The following IL5RA variants were observed in gnomAD, a reference collection of about 807,000 sequenced individuals.
IL5RA encodes interleukin 5 receptor subunit alpha, also known as interleukin-5 receptor subunit alpha.
IL5RA carries 49 observed loss-of-function variants against 50.0 expected under a neutral mutation model. The observed-to-expected ratio is 0.98, with a 90% CI of 0.78 to 1.24. IL5RA has a LOEUF of 1.24. Among genes scored for constraint, IL5RA ranks in the 50% most tolerant of loss-of-function variants. The probability of loss-of-function intolerance (pLI) is 0.00; values close to 1 mark genes in which losing one functional copy is unlikely to be tolerated. For synonymous variants in IL5RA, 202 were observed against 174.0 expected, an observed-to-expected ratio of 1.16 and a Z score of -1.26; for missense variants, 600 against 500.4, an observed-to-expected ratio of 1.20 and a Z score of -1.90.
At chr3:3,076,769 T>A (rs977439766) in intron 9 of IL5RA, 142 bp from the exon 10 acceptor site, 5 of 553,004 alleles carry the variant, frequency 9.0e-6, no homozygotes, top group Non-Finnish European at 1.6e-5. Context: ...TAGCTTAACT[T>A]CCCTGAGCCT....
intron 9 of IL5RA, among the ~76,000 whole-genome samples, chr3:3,079,321 T>C (rs1359119167): frequency 1.3e-5 from 2 of 152,288 alleles, no homozygotes; most frequent in Non-Finnish European, 1.5e-5. Flanking sequence ...ACCAAACGCA[T>C]GTTCTTCTTC....
intron 9 of IL5RA, among the ~76,000 whole-genome samples, chr3:3,083,435 G>A (rs980254772): frequency 5.3e-5 from 8 of 152,192 alleles, no homozygotes; most frequent in Non-Finnish European, 8.8e-5. Context: ...GTACGTGTGT[G>A]TATTTGTGTG....
At chr3:3,102,576 AATTTT>A in intron 4 of IL5RA, 94 bp downstream of exon 4, 1 of 799,718 alleles carries the variant, frequency 1.3e-6, no homozygotes, top group East Asian at 2.8e-5. Flanking sequence ...GCCTGTCAGT[AATTTT>A]ATTTTTTTAA....
At chr3:3,073,306 A>C (rs1437419160) in intron 11 of IL5RA, among the ~76,000 whole-genome samples, 2 of 152,180 alleles carry the variant, frequency 1.3e-5, no homozygotes, top group Non-Finnish European at 1.5e-5. Context: ...GAGTTACTTC[A>C]TTTGAGAGAA....
intron 10 of IL5RA, among the ~76,000 whole-genome samples, chr3:3,075,955 G>A (rs950656632): frequency 2.0e-5 from 3 of 152,130 alleles, no homozygotes; most frequent in Admixed American, 6.5e-5. Context: ...ATGTTTTTAA[G>A]CCTCCTAAAA....
At chr3:3,095,841 C>A (rs1703336456) in intron 7 of IL5RA, among the ~76,000 whole-genome samples, 2 of 152,066 alleles carry the variant, frequency 1.3e-5, no homozygotes, top group South Asian at 4.1e-4. Context: ...TGCCTCTTCC[C>A]AGTAGGTATG....
At chr3:3,071,493 A>G (rs1247656063) in intron 11 of IL5RA, among the ~76,000 whole-genome samples, 2 of 151,852 alleles carry the variant, frequency 1.3e-5, no homozygotes, top group Non-Finnish European at 2.9e-5. Flanking sequence ...AATTCAGGAT[A>G]TGCTTTTTTA....
At chr3:3,086,978 C>G (rs1342717611) in intron 9 of IL5RA, among the ~76,000 whole-genome samples, 9 of 152,128 alleles carry the variant, frequency 5.9e-5, no homozygotes, top group Non-Finnish European at 1.5e-5. Context: ...AAACCAAATA[C>G]CATATGTTCT....
Position 3,099,459 on chromosome 3 carries a change from A to G in IL5RA, c.368-1169T>C, listed in dbSNP as rs113476944. Reference sequence around the variant, plus strand: ...GACTGGGCAACATGGCAAAACCCCAACTCTACAAAAAATACAAAAATTAGC... The same window carrying G: ...GACTGGGCAACATGGCAAAACCCCAGCTCTACAAAAAATACAAAAATTAGC... On this transcript the variant is annotated intron_variant, in intron 5 of 11. Coordinates refer to ENST00000446632, the MANE Select transcript of IL5RA (RefSeq NM_175726.4). 6.1e-3 allele frequency among the ~76,000 whole-genome samples: 934 copies of G among 151,984 alleles called. 8 individuals are homozygous for G. Among genetic ancestry groups the G allele is most frequent in the African/African-American group, 0.02 (844 of 41,472 alleles).
chr3:3,070,705 C>T (rs1211989745), intron 11 of IL5RA, among the ~76,000 whole-genome samples: 2 of 151,126 alleles, frequency 1.3e-5, no homozygotes, highest in African/African-American at 4.9e-5. Context: ...GCCTCAGCCT[C>T]CCAAGTAGCT....
rs570111903 is a variant in IL5RA at position 3,091,479 on chromosome 3, C to T, written c.994+745G>A. 1.5e-3 allele frequency among the ~76,000 whole-genome samples: 224 copies of T among 152,264 alleles called. 2 individuals are homozygous for T. Among genetic ancestry groups the T allele is most frequent in the African/African-American group, 5.1e-3 (212 of 41,554 alleles). ...CGGCACAGCGGCTCATGCCTGTAAT[C>T]CCAGCACTTTGGGAGGCTGAGGCCG... On this transcript the variant is annotated intron_variant, in intron 9 of 11. Coordinates refer to ENST00000446632, the MANE Select transcript of IL5RA (RefSeq NM_175726.4).
In IL5RA at chr3:3,077,423, A is replaced by G. The variant is rs540240633; in HGVS notation, c.995-796T>C. Reference sequence around the variant, plus strand: ...CCCATTAACTCTTCTAGGAACTTCTATGATAGCTTTGGGGTGTGTAATTTT... The same window carrying G: ...CCCATTAACTCTTCTAGGAACTTCTGTGATAGCTTTGGGGTGTGTAATTTT... On this transcript the variant is annotated intron_variant, in intron 9 of 11. Transcript: ENST00000446632. 1.6e-4 allele frequency among the ~76,000 whole-genome samples: 24 copies of G among 152,270 alleles called. 1 individual carries two copies. The South Asian group carries it at 4.8e-3, about 30-fold the overall frequency.
rs1703159584 is a variant in IL5RA at position 3,092,324 on chromosome 3, A to G, written c.894T>C (p.Ile298=). 12 of 1,613,830 alleles carry G rather than the reference A, an allele frequency of 7.4e-6. No homozygotes were observed. The highest frequency in any genetic ancestry group is 8.5e-6 in the Non-Finnish European group (10 of 1,179,902). ...KLMTNAFISI[I]DDLSKYDVQV... is the part of the protein sequence containing the mutation. ...GAACATCGTACTTAGAAAGATCATC[A>G]ATTATTGAGATGAATGCATTGGTCA... The change falls in exon 9 of 12, where the codon ATT becomes ATC. Residue 298 remains isoleucine, a synonymous_variant. Coordinates refer to ENST00000446632, the MANE Select transcript of IL5RA (RefSeq NM_175726.4). This position sits in a 1 kb window ranked among gnomAD's most constrained non-coding sequence, Gnocchi z 4.2.
At chr3:3,093,105 CAG>C (rs1703202725) in intron 8 of IL5RA, among the ~76,000 whole-genome samples, 3 of 152,036 alleles carry the variant, frequency 2.0e-5, no homozygotes, top group Admixed American at 1.3e-4. Flanking sequence ...ATCCATTGCC[CAG>C]AGTCATGGTT....
At chr3:3,076,332 G>C (rs1453768323) in intron 10 of IL5RA, among the ~76,000 whole-genome samples, 199 bp downstream of exon 10, 3 of 152,072 alleles carry the variant, frequency 2.0e-5, no homozygotes, top group Non-Finnish European at 2.9e-5. Context: ...TGTGTGCTCT[G>C]TCCAACTTCT....
At chr3:3,072,407 T>C (rs1702333865) in intron 11 of IL5RA, among the ~76,000 whole-genome samples, 1 of 152,244 alleles carries the variant, frequency 6.6e-6, no homozygotes, top group South Asian at 2.1e-4. Context: ...CTCTGCTTAT[T>C]CTGAAACCAG....
intron 9 of IL5RA, among the ~76,000 whole-genome samples, chr3:3,078,018 C>T (rs779846323): frequency 3.9e-5 from 6 of 151,972 alleles, no homozygotes; most frequent in Admixed American, 2.0e-4. Context: ...ATTCAGTGGT[C>T]GAAAGATCAC....
rs995455431 is a variant in IL5RA, at chr3:3,101,800, C to T, written c.259G>A (p.Val87Ile). 2.5e-6 allele frequency: 4 copies of T among 1,613,906 alleles called. No individual in the cohort carries two copies. The African/African-American group carries it at 5.3e-5, about 22-fold the overall frequency. The change falls in exon 5 of 12, where the codon GTA (valine) becomes ATA (isoleucine). Residue 87 changes from valine to isoleucine, a missense_variant. Transcript: ENST00000446632. Reference sequence around the variant, plus strand: ...GAAAAGCCTTTGTGGAGGATGGTTACACATTTGCTTTCAGTGATTCTGGTT... The same window carrying T: ...GAAAAGCCTTTGTGGAGGATGGTTATACATTTGCTTTCAGTGATTCTGGTT... ...YETRITESKC[V>I]TILHKGFSAS...
chr3:3,087,758 A>G (rs1450520568), intron 9 of IL5RA, among the ~76,000 whole-genome samples: 8 of 152,152 alleles, frequency 5.3e-5, no homozygotes, highest in African/African-American at 9.7e-5. Context: ...AGCATAGTTA[A>G]AGGAAATGAA....
Sources: allele counts gnomAD v4.1 joint callset (sites outside exome capture counted in the v4.1 genomes callset), GRCh38; gene constraint gnomAD v4.1.1; non-coding constraint Gnocchi (gnomAD v3.1); transcripts MANE v1.5; gene names NCBI Gene and HGNC (gene_info 2026-07-23, HGNC 2026-07-21).